Variants in L3MBTL2 observed in about 807,000 individuals in gnomAD.
L3MBTL2 encodes the protein L3MBTL histone methyl-lysine binding protein 2, also known as lethal(3)malignant brain tumor-like protein 2.
Under a neutral mutation model 86.4 loss-of-function variants are expected in L3MBTL2, and 49 were observed. The ratio of observed to expected loss-of-function variants is 0.57; its 90% CI spans 0.45 to 0.72. The LOEUF (loss-of-function observed/expected upper bound fraction) is 0.72, where lower values mean the gene tolerates loss of function less well. Ranked by LOEUF, L3MBTL2 falls within the 30% of genes least tolerant of loss-of-function variation. L3MBTL2 has a pLI of 0.00. For missense variants in L3MBTL2, 755 were observed against 923.7 expected (o/e 0.82, Z 2.37); for synonymous variants, 336 against 350.6 (o/e 0.96, Z 0.47).
At chr22:41,228,514 G>C in intron 15 of L3MBTL2, 1 of 985,428 alleles carries the variant, frequency 1.0e-6, no homozygotes, top group Non-Finnish European at 1.2e-6. Flanking sequence ...GTGGGGAAGA[G>C]GATGTTCTGA....
intron 7 of L3MBTL2, 96 bp downstream of exon 7, chr22:41,220,964 C>A: frequency 7.2e-7 from 1 of 1,386,146 alleles, no homozygotes; most frequent in Non-Finnish European, 9.8e-7. Context: ...AGTCCTCTGT[C>A]TTGTTAGAAC....
chr22:41,224,124 C>T lies in L3MBTL2; in HGVS notation c.1047C>T (p.Ile349=), dbSNP rs1569149332. Reference sequence around the variant, plus strand: ...GCATGGCTGTGGTGGACACAGTAATCGGGGGTCGCCTACGGCTCCTCTACG... The same window carrying T: ...GCATGGCTGTGGTGGACACAGTAATTGGGGGTCGCCTACGGCTCCTCTACG... ...RTRMAVVDTV[I]GGRLRLLYED... Residue 349 remains isoleucine (I), a synonymous_variant, in exon 9 of 17, where the codon ATC becomes ATT. Transcript: ENST00000216237. The surrounding 1 kb of genome is among the most constrained non-coding windows in gnomAD (Gnocchi z 4.9). 4 of 1,614,116 alleles carry T rather than the reference C, an allele frequency of 2.5e-6. No homozygotes were observed. Among genetic ancestry groups the T allele is most frequent in the Admixed American group, 1.7e-5 (1 of 60,024 alleles).
chr22:41,229,718 TCTC>T lies in L3MBTL2; in HGVS notation c.2005+65_2005+67del, dbSNP rs746857178. ...CTGCTCCGTGCTCAGAGACGACCCT[TCTC>T]CTTCCCCACCTGGGCACAGAAGAGT... On this transcript the variant is annotated intron_variant, in intron 16 of 16. Transcript: ENST00000216237. 58 of 1,612,014 alleles carry T rather than the reference TCTC, an allele frequency of 3.6e-5. 1 individual carries two copies. The East Asian group carries it at 4.0e-4, about 11-fold the overall frequency.
intron 5 of L3MBTL2, 60 bp downstream of exon 5, chr22:41,217,262 A>C: frequency 7.6e-7 from 1 of 1,322,294 alleles, no homozygotes; most frequent in South Asian, 1.2e-5. Flanking sequence ...CTGCTCCTCC[A>C]CCTGCTTCAC....
Position 41,225,589 on chromosome 22 carries a change from G to C in L3MBTL2, c.1357-205G>C, listed in dbSNP as rs1479207590. On this transcript the variant is annotated intron_variant, in intron 11 of 16. Transcript: ENST00000216237. The surrounding 1 kb of genome is among the most constrained non-coding windows in gnomAD (Gnocchi z 4.1). The stretch of plus-strand genomic sequence containing the variant: ...GGCCCCTGCTGGCGTGGTGTTTGCT[G>C]TCTAGTGGGGAAGAGAAAGAATCCC... Among the ~76,000 whole-genome samples the C allele has an allele frequency of 6.6e-6, 1 of 152,214 alleles. No homozygotes were observed. Among genetic ancestry groups the C allele is most frequent in the African/African-American group, 2.4e-5 (1 of 41,454 alleles).
At position 41,224,581 on chromosome 22, in the gene L3MBTL2, G is replaced by A. The variant is rs1855219251; in HGVS notation, c.1175-144G>A. On this transcript the variant is annotated intron_variant, in intron 9 of 16. Coordinates refer to ENST00000216237, the MANE Select transcript of L3MBTL2 (RefSeq NM_031488.5). This position sits in a 1 kb window ranked among gnomAD's most constrained non-coding sequence, Gnocchi z 4.9. The stretch of plus-strand genomic sequence containing the variant: ...ACTCAACCTTTCTGTCTGCTACTCT[G>A]GGGTGGGGGGTCCTGAGATACAGAG... The A allele has an allele frequency of 1.5e-6, 1 of 654,534 alleles. No individual in the cohort carries two copies. The highest frequency in any genetic ancestry group is 2.7e-6 in the Non-Finnish European group (1 of 363,818). The allele number at this position is 654,534 out of a possible 1,614,324, so 40.5% of individuals were successfully genotyped here. A position where few individuals can be genotyped will look rare whatever the true frequency, so the allele number is the denominator to read the frequency against.
At position 41,224,575 on chromosome 22, in the gene L3MBTL2, T is replaced by A; in HGVS notation, c.1175-150T>A. ...TTCTGGACTCAACCTTTCTGTCTGC[T>A]ACTCTGGGGTGGGGGGTCCTGAGAT... On this transcript the variant is annotated intron_variant, in intron 9 of 16. Coordinates refer to ENST00000216237, the MANE Select transcript of L3MBTL2 (RefSeq NM_031488.5). This position sits in a 1 kb window ranked among gnomAD's most constrained non-coding sequence, Gnocchi z 4.9. 1.6e-6 allele frequency: 1 copy of A among 641,706 alleles called. No individual in the cohort carries two copies. The highest frequency in any genetic ancestry group is 2.8e-6 in the Non-Finnish European group (1 of 357,748). The allele number at this position is 641,706 out of a possible 1,614,324, so 39.8% of individuals were successfully genotyped here. A position where few individuals can be genotyped will look rare whatever the true frequency, so the allele number is the denominator to read the frequency against.
At chr22:41,221,326 T>A (rs753643793) in intron 8 of L3MBTL2, 39 bp downstream of exon 8, 5 of 1,505,324 alleles carry the variant, frequency 3.3e-6, no homozygotes, top group South Asian at 1.2e-5. Flanking sequence ...CTCCTTCCGC[T>A]CTTCCATTTT....
chr22:41,227,980 C>G lies in L3MBTL2; in HGVS notation c.1888+111C>G. The G allele has an allele frequency of 6.7e-7, 1 of 1,497,972 alleles. No individual in the cohort carries two copies. 92.8% of individuals were successfully genotyped at this position (1,497,972 alleles called of 1,614,324 possible). ...CAGGCACTGGTTCCCAGGTGCTGTC[C>G]TACTGACGTAGCTCTCTTCGTGTTC... On this transcript the variant is annotated intron_variant, in intron 15 of 16. Transcript: ENST00000216237. This position sits in a 1 kb window ranked among gnomAD's most constrained non-coding sequence, Gnocchi z 6.0.
intron 12 of L3MBTL2, among the ~76,000 whole-genome samples, chr22:41,226,193 C>CT (rs918061963): frequency 1.3e-5 from 2 of 152,144 alleles, no homozygotes; most frequent in African/African-American, 4.8e-5. Flanking sequence ...AGGAGAATTG[C>CT]TTGAACCCAG....
At position 41,225,491 on chromosome 22, in the gene L3MBTL2, C is replaced by T. The variant is rs936898118; in HGVS notation, c.1357-303C>T. 6.6e-6 allele frequency among the ~76,000 whole-genome samples: 1 copy of T among 152,170 alleles called. No homozygotes were observed. Among genetic ancestry groups the T allele is most frequent in the Non-Finnish European group, 1.5e-5 (1 of 68,018 alleles). On this transcript the variant is annotated intron_variant, in intron 11 of 16. Coordinates refer to ENST00000216237, the MANE Select transcript of L3MBTL2 (RefSeq NM_031488.5). This position sits in a 1 kb window ranked among gnomAD's most constrained non-coding sequence, Gnocchi z 4.1. Reference sequence around the variant, plus strand: ...GCCCTCCTGGAGGAGGCTGCTGACTCGTCCTCGCCGCGGATCCGCTCCATG... The same window carrying T: ...GCCCTCCTGGAGGAGGCTGCTGACTTGTCCTCGCCGCGGATCCGCTCCATG...
intron 3 of L3MBTL2, 22 bp downstream of exon 3, chr22:41,214,048 C>A: frequency 6.2e-7 from 1 of 1,613,438 alleles, no homozygotes; most frequent in Non-Finnish European, 8.5e-7. Flanking sequence ...TCACTTGGAT[C>A]CTTCCCGGTG....
rs1460932064 is a variant in L3MBTL2, at chr22:41,221,184, C to T, written c.854-15C>T. The T allele has an allele frequency of 1.3e-6, 2 of 1,539,426 alleles. No homozygotes were observed. The highest frequency in any genetic ancestry group is 1.8e-6 in the Non-Finnish European group (2 of 1,137,394). Reference sequence around the variant, plus strand: ...GTCAGTCTGTGTAACCAGGATTCTGCTGGTGCCTCCACAGCCATCCATGCC... The same window carrying T: ...GTCAGTCTGTGTAACCAGGATTCTGTTGGTGCCTCCACAGCCATCCATGCC... On this transcript the variant is annotated splice_polypyrimidine_tract_variant and intron_variant, in intron 7 of 16. Coordinates refer to ENST00000216237, the MANE Select transcript of L3MBTL2 (RefSeq NM_031488.5).
rs116427566 is a variant in L3MBTL2, at chr22:41,221,356, T to G, written c.942+69T>G. On this transcript the variant is annotated intron_variant, in intron 8 of 16. Transcript: ENST00000216237. The stretch of plus-strand genomic sequence containing the variant: ...CATTTTTCTGCATCCTGCATGCCAC[T>G]CACTGGAGCATGTTACCTAAGACCC... 5,015 of 1,292,186 alleles carry G rather than the reference T, an allele frequency of 3.9e-3. 134 individuals carry two copies. The African/African-American group carries it at 0.063, about 16-fold the overall frequency. The allele number at this position is 1,292,186 out of a possible 1,614,324, so 80.0% of individuals were successfully genotyped here. A position where few individuals can be genotyped will look rare whatever the true frequency, so the allele number is the denominator to read the frequency against.
intron 2 of L3MBTL2, among the ~76,000 whole-genome samples, chr22:41,211,520 G>A (rs942653666): frequency 1.4e-5 from 2 of 142,690 alleles, no homozygotes; most frequent in Admixed American, 1.4e-4. Context: ...CTCGTTAGAA[G>A]AGTAATCTAA....
chr22:41,228,476 C>T, intron 15 of L3MBTL2: 3 of 985,392 alleles, frequency 3.0e-6, no homozygotes, highest in East Asian at 1.1e-4. Context: ...CCTATGACAG[C>T]GAGGTGGGCT....
At position 41,217,122 on chromosome 22, in the gene L3MBTL2, G is replaced by C; in HGVS notation, c.521-1G>C. On this transcript the variant is annotated splice_acceptor_variant, in intron 4 of 16. Coordinates refer to ENST00000216237, the MANE Select transcript of L3MBTL2 (RefSeq NM_031488.5). LOFTEE classifies it high-confidence loss of function. ...TCTGACTCGTCCTCTCTGCTCTGCA[G>C]CTCTGGTCTTGGGCTTCGACTGGGG... The C allele has an allele frequency of 6.2e-7, 1 of 1,613,584 alleles. No individual in the cohort carries two copies. The highest frequency in any genetic ancestry group is 8.5e-7 in the Non-Finnish European group (1 of 1,179,732).
chr22:41,223,364 ACCT>A (rs1396945967), intron 8 of L3MBTL2, among the ~76,000 whole-genome samples: 2 of 152,070 alleles, frequency 1.3e-5, no homozygotes, highest in Non-Finnish European at 2.9e-5. Flanking sequence ...AACAAAAAGA[ACCT>A]CCTCCTCTGT....
chr22:41,219,395 C>A, intron 5 of L3MBTL2, 24 bp from the exon 6 acceptor site: 1 of 1,552,386 alleles, frequency 6.4e-7, no homozygotes, highest in Non-Finnish European at 8.9e-7. Flanking sequence ...CTCACTCTCT[C>A]GGTACACTCT....
Sources: gnomAD v4.1 joint callset for allele counts (sites outside exome capture counted in the v4.1 genomes callset) on GRCh38, gnomAD v4.1.1 for gene constraint, Gnocchi (gnomAD v3.1) non-coding constraint, MANE v1.5 for transcripts, NCBI Gene and HGNC (gene_info 2026-07-23, HGNC 2026-07-21) for gene names.